SLC2A8: variants seen among roughly 807,000 people sequenced by gnomAD.
SLC2A8 encodes the protein solute carrier family 2, facilitated glucose transporter member 8.
Under a neutral mutation model 49.2 loss-of-function variants are expected in SLC2A8, and 53 were observed. The observed-to-expected ratio is 1.08, with a 90% CI of 0.86 to 1.35. The LOEUF is 1.35. Ranked by LOEUF, SLC2A8 falls within the 40% of genes most tolerant of loss-of-function variation. The pLI is 0.00. For missense variants in SLC2A8, 688 were observed against 671.7 expected, an observed-to-expected ratio of 1.02 and a Z score of -0.27; for synonymous variants, 299 against 297.0, an observed-to-expected ratio of 1.01 and a Z score of -0.07.
At chr9:127,406,354 C>T (rs1401065523) in intron 9 of SLC2A8, among the ~76,000 whole-genome samples, 5 of 152,140 alleles carry the variant, frequency 3.3e-5, no homozygotes, top group Non-Finnish European at 5.9e-5. Flanking sequence ...GCTTGGGACC[C>T]GCTTAGGCAG....
rs1336621080 is a variant in SLC2A8 at position 127,404,178 on chromosome 9, A to G, written c.976+111A>G. The G allele has an allele frequency of 4.1e-6, 3 of 724,610 alleles. No individual in the cohort carries two copies. The Admixed American group carries it at 8.4e-5, about 20-fold the overall frequency. 44.9% of individuals were successfully genotyped at this position (724,610 alleles called of 1,614,324 possible). On this transcript the variant is annotated intron_variant, in intron 7 of 9. Coordinates refer to ENST00000373371, the MANE Select transcript of SLC2A8 (RefSeq NM_014580.5). ...GCATTTGTGATGACAAACATCATGG[A>G]CTAATGCGGCCATGATTTGACAGCA...
chr9:127,405,127 C>T lies in SLC2A8; in HGVS notation c.1150+136C>T, dbSNP rs541211381. On this transcript the variant is annotated intron_variant, in intron 8 of 9. Transcript: ENST00000373371. Reference sequence around the variant, plus strand: ...AGTTCCAAGCTCTGCATTTCTAGCTCTGACCACATGCAGCTGTGGAACTAG... The same window carrying T: ...AGTTCCAAGCTCTGCATTTCTAGCTTTGACCACATGCAGCTGTGGAACTAG... The T allele has an allele frequency of 3.9e-5, 39 of 1,007,570 alleles. No homozygotes were observed. The African/African-American group carries it at 5.5e-4, about 14-fold the overall frequency. 62.4% of individuals were successfully genotyped at this position (1,007,570 alleles called of 1,614,324 possible). A position where few individuals can be genotyped will look rare whatever the true frequency, so the allele number is the denominator to read the frequency against.
chr9:127,407,109 C>G lies in SLC2A8; in HGVS notation c.1297-3C>G. 1 of 1,613,016 alleles carries G rather than the reference C, an allele frequency of 6.2e-7. No individual in the cohort carries two copies. On this transcript the variant is annotated splice_polypyrimidine_tract_variant and splice_region_variant and intron_variant, in intron 9 of 9. Transcript: ENST00000373371. ...CCACCCATGGCCTTTCCTCTCTCTGCAGGAGGTCCTCAGGCCCTATGGAGC... is the reference window on the plus strand; with the variant it reads ...CCACCCATGGCCTTTCCTCTCTCTGGAGGAGGTCCTCAGGCCCTATGGAGC...
chr9:127,404,096 C>T (rs371848025), intron 7 of SLC2A8, 29 bp downstream of exon 7: 40 of 1,530,764 alleles, frequency 2.6e-5, no homozygotes, highest in Admixed American at 7.4e-5. Flanking sequence ...GCAGCCTCCC[C>T]GCCATGCGGG....
At chr9:127,400,728 G>A (rs1425347121) in intron 4 of SLC2A8, among the ~76,000 whole-genome samples, 1 of 152,120 alleles carries the variant, frequency 6.6e-6, no homozygotes, top group Non-Finnish European at 1.5e-5. Context: ...CGGGGTCCTG[G>A]GGACCCCGAG....
In SLC2A8 at chr9:127,399,766, A is replaced by T; in HGVS notation, c.427-141A>T. ...CCAGCTAATTTTGTATTTTTAGTAG[A>T]GATGGGGTTTCTCCCTGTTGGTCAG... is the stretch of plus-strand genomic sequence containing the variant. On this transcript the variant is annotated intron_variant, in intron 3 of 9. Coordinates refer to ENST00000373371, the MANE Select transcript of SLC2A8 (RefSeq NM_014580.5). This position sits in a 1 kb window ranked among gnomAD's most constrained non-coding sequence, Gnocchi z 4.2. 1 of 596,480 alleles carries T rather than the reference A, an allele frequency of 1.7e-6. No homozygotes were observed. Among genetic ancestry groups the T allele is most frequent in the South Asian group, 1.9e-5 (1 of 53,636 alleles). The allele number at this position is 596,480 out of a possible 1,614,324, so 36.9% of individuals were successfully genotyped here.
rs527454022 is a variant in SLC2A8, at chr9:127,404,775, C to T, written c.977-43C>T. ...CAGGCCATGCTGCTGCGCCCTGGGC[C>T]GTTCCCCGGGTGCCCCGCCCACTGC... On this transcript the variant is annotated intron_variant, in intron 7 of 9. Transcript: ENST00000373371. 16 of 1,587,378 alleles carry T rather than the reference C, an allele frequency of 1.0e-5. No homozygotes were observed. The Admixed American group carries it at 1.0e-4, about 10-fold the overall frequency.
chr9:127,398,021 C>A lies in SLC2A8; in HGVS notation c.336C>A (p.Ala112=), dbSNP rs777295001. 1.9e-6 allele frequency: 3 copies of A among 1,575,432 alleles called. No homozygotes were observed. Among genetic ancestry groups the A allele is most frequent in the South Asian group, 2.3e-5 (2 of 87,388 alleles). Residue 112 remains alanine, a synonymous_variant, in exon 3 of 10, where the codon GCC becomes GCA. Transcript: ENST00000373371. ...CCGTGCCCTTCGTGGCCGGCTTTGC[C>A]GTCATCACCGCGGCCCAGGACGTGT... ...LCSVPFVAGF[A]VITAAQDVWM...
At chr9:127,404,581 C>T (rs931656883) in intron 7 of SLC2A8, 11 of 529,588 alleles carry the variant, frequency 2.1e-5, no homozygotes, top group African/African-American at 3.9e-5. Context: ...GCTTCTGTGC[C>T]GGTACCTCCC....
rs935664386 is a variant in SLC2A8, at chr9:127,402,600, GC to G, written c.576del (p.Ser193ProfsTer18). 9 of 1,593,302 alleles carry G rather than the reference GC, an allele frequency of 5.6e-6. No individual in the cohort carries two copies. Among genetic ancestry groups the G allele is most frequent in the Admixed American group, 3.5e-5 (2 of 57,846 alleles). ...WRWLAVLGCV[P>X]PSLMLLLMCF... ...GCTGGCTGGCTGTGCTGGGCTGCGT[GC>G]CCCCCTCCCTCATGCTGCTTCTCAT... On this transcript the variant is annotated frameshift_variant, in exon 5 of 10. Coordinates refer to ENST00000373371, the MANE Select transcript of SLC2A8 (RefSeq NM_014580.5). LOFTEE classifies it high-confidence loss of function.
intron 4 of SLC2A8, among the ~76,000 whole-genome samples, chr9:127,400,362 T>C (rs1833236964): frequency 1.3e-5 from 2 of 152,048 alleles, no homozygotes; most frequent in African/African-American, 4.8e-5. Context: ...TTTCACCGTG[T>C]TAGCCAGGAT....
In SLC2A8 at chr9:127,397,523, CG is replaced by C; in HGVS notation, c.205del (p.Ala69ProfsTer8). The C allele has an allele frequency of 7.0e-7, 1 of 1,425,014 alleles. No homozygotes were observed. Among genetic ancestry groups the C allele is most frequent in the Non-Finnish European group, 9.1e-7 (1 of 1,100,776 alleles). The allele number at this position is 1,425,014 out of a possible 1,614,324, so 88.3% of individuals were successfully genotyped here. On this transcript the variant is annotated frameshift_variant, in exon 2 of 10. Coordinates refer to ENST00000373371, the MANE Select transcript of SLC2A8 (RefSeq NM_014580.5). LOFTEE classifies it high-confidence loss of function. Reference protein sequence around the residue: ...PPAPRLDDAAASWFGAVVTLG... With the variant: ...PPAPRLDDAAXSWFGAVVTLG... ...CGGCCCCGCGCCTGGACGACGCCGC[CG>C]CCTCCTGGTTCGGGGTGAGGCCCCG...
chr9:127,400,036 T>C, intron 4 of SLC2A8, 30 bp downstream of exon 4: 1 of 1,595,370 alleles, frequency 6.3e-7, no homozygotes, highest in Non-Finnish European at 8.6e-7. Context: ...TTGCTTCCTG[T>C]TTGTGGTCAT....
Position 127,397,932 on chromosome 9 carries a change from G to T in SLC2A8, c.247G>T (p.Gly83Trp), listed in dbSNP as rs770591156. ...TGTCGTGACCCTGGGTGCCGCGGCG[G>T]GGGGAGTGCTGGGCGGCTGGCTGGT... ...GAVVTLGAAAGGVLGGWLVDR... is the reference protein window; with the variant it reads ...GAVVTLGAAAWGVLGGWLVDR... The change falls in exon 3 of 10, where the codon GGG (glycine) becomes TGG (tryptophan). Residue 83 changes from glycine (G) to tryptophan (W), a missense_variant. Physicochemically the swap from Gly to Trp is radical, Grantham distance 184 (BLOSUM62 -2). Transcript: ENST00000373371. 105 of 1,531,196 alleles carry T rather than the reference G, an allele frequency of 6.9e-5. No individual in the cohort carries two copies. The highest frequency in any genetic ancestry group is 8.4e-5 in the Non-Finnish European group (96 of 1,145,308). 94.9% of individuals were successfully genotyped at this position (1,531,196 alleles called of 1,614,324 possible). A position where few individuals can be genotyped will look rare whatever the true frequency, so the allele number is the denominator to read the frequency against.
At chr9:127,405,717 C>T (rs548440126) in intron 9 of SLC2A8, 152 bp downstream of exon 9, 29 of 1,089,768 alleles carry the variant, frequency 2.7e-5, no homozygotes, top group South Asian at 2.4e-4. Flanking sequence ...GGCAAGGCGA[C>T]GTGGAGGCAG....
Position 127,403,972 on chromosome 9 carries a change from C to T in SLC2A8, c.881C>T (p.Ala294Val). The change falls in exon 7 of 10, where the codon GCC becomes GTC. Residue 294 changes from alanine (A) to valine (V), a missense_variant. Coordinates refer to ENST00000373371, the MANE Select transcript of SLC2A8 (RefSeq NM_014580.5). ...TGTCTCCCCCAGGACAGCAGCCTGG[C>T]CTCGGTCGTCGTGGGTGTCATCCAG... ...EEAKFKDSSL[A>V]SVVVGVIQVL... 6.2e-7 allele frequency: 1 copy of T among 1,610,994 alleles called. No individual in the cohort carries two copies. The highest frequency in any genetic ancestry group is 8.5e-7 in the Non-Finnish European group (1 of 1,178,410).
chr9:127,407,001 G>T, intron 9 of SLC2A8, 111 bp from the exon 10 acceptor site: 4 of 1,236,668 alleles, frequency 3.2e-6, no homozygotes, highest in Non-Finnish European at 4.6e-6. Flanking sequence ...CTTGGGCAGG[G>T]CAGGCTGGGG....
intron 9 of SLC2A8, among the ~76,000 whole-genome samples, chr9:127,406,755 C>G (rs1310876407): frequency 6.6e-6 from 1 of 152,282 alleles, no homozygotes; most frequent in South Asian, 2.1e-4. Context: ...AGGGTGGGGC[C>G]AAAGCTGAGG....
Position 127,402,460 on chromosome 9 carries a change from C to T in SLC2A8, c.527-97C>T, listed in dbSNP as rs375873678. On this transcript the variant is annotated intron_variant, in intron 4 of 9. Transcript: ENST00000373371. ...CATGAGGGCAGATGTGCAGAGGCAG[C>T]GAGGCCCCATCTCTGAAGCTGAGTC... is the stretch of plus-strand genomic sequence containing the variant. The T allele has an allele frequency of 7.4e-5, 105 of 1,428,020 alleles. 1 individual carries two copies. In the East Asian group the frequency reaches 1.1e-3, roughly 15 times the overall value. The allele number at this position is 1,428,020 out of a possible 1,614,324, so 88.5% of individuals were successfully genotyped here.
Sources: gnomAD v4.1 joint callset for allele counts (sites outside exome capture counted in the v4.1 genomes callset) on GRCh38, gnomAD v4.1.1 for gene constraint, Gnocchi (gnomAD v3.1) non-coding constraint, MANE v1.5 for transcripts, NCBI Gene and HGNC (gene_info 2026-07-23, HGNC 2026-07-21) for gene names.